PTPRK: variants seen among roughly 807,000 people sequenced by gnomAD.
PTPRK encodes the protein receptor-type tyrosine-protein phosphatase kappa.
Under a neutral mutation model 178.0 loss-of-function variants are expected in PTPRK, and 75 were observed. The observed-to-expected ratio is 0.42, with a 90% confidence interval of 0.35 to 0.51. The LOEUF is 0.51. PTPRK is among the 20% of genes least tolerant of loss of function. PTPRK has a pLI of 0.02. For synonymous variants in PTPRK, 637 were observed against 620.6 expected (o/e 1.03, Z -0.39); for missense variants, 1,441 against 1,797.8 (o/e 0.80, Z 3.59).
rs189593490 is a variant in PTPRK at position 128,255,703 on chromosome 6, C to G, written c.496-13101G>C. ...GGTCAAAAGTTATCAAAACATGGTC[C>G]TGGCAACAAAAGCATCAACAACACC... is the stretch of plus-strand genomic sequence containing the variant. On this transcript the variant is annotated intron_variant, in intron 3 of 29. Transcript: ENST00000368226. Among the ~76,000 whole-genome samples the G allele has an allele frequency of 5.9e-5, 9 of 152,310 alleles. No homozygotes were observed. The East Asian group carries it at 1.7e-3, about 29-fold the overall frequency.
intron 3 of PTPRK, among the ~76,000 whole-genome samples, chr6:128,272,873 G>A (rs1047703914): frequency 1.3e-5 from 2 of 152,106 alleles, no homozygotes; most frequent in Non-Finnish European, 2.9e-5. Flanking sequence ...ATACCCGAAG[G>A]ATTATTAATC....
At chr6:128,433,959 G>A (rs1185499746) in intron 1 of PTPRK, among the ~76,000 whole-genome samples, 3 of 150,974 alleles carry the variant, frequency 2.0e-5, no homozygotes, top group Non-Finnish European at 4.4e-5. Context: ...AGAAATCTTT[G>A]AATGATTTTG....
intron 3 of PTPRK, among the ~76,000 whole-genome samples, chr6:128,305,198 A>C (rs1259929744): frequency 6.6e-6 from 1 of 152,212 alleles, no homozygotes; most frequent in African/African-American, 2.4e-5. Flanking sequence ...CTGTCATTTT[A>C]GTGCAGACTA....
intron 7 of PTPRK, among the ~76,000 whole-genome samples, chr6:128,136,999 A>G (rs1052440283): frequency 1.3e-5 from 2 of 152,168 alleles, no homozygotes; most frequent in Non-Finnish European, 1.5e-5. Context: ...AAAACTAGAC[A>G]CTGCTGCATA....
intron 7 of PTPRK, among the ~76,000 whole-genome samples, chr6:128,104,149 T>C (rs1347717581): frequency 6.6e-6 from 1 of 152,210 alleles, no homozygotes. Flanking sequence ...TGATATCCAT[T>C]TACTTCTTCA....
chr6:128,164,263 T>C (rs916806163), intron 7 of PTPRK, among the ~76,000 whole-genome samples: 5 of 151,428 alleles, frequency 3.3e-5, no homozygotes, highest in Non-Finnish European at 7.4e-5. Flanking sequence ...ATCATTCAAG[T>C]TCAGAAGTAT....
chr6:128,036,458 G>C (rs187510769), intron 13 of PTPRK, among the ~76,000 whole-genome samples: 233 of 152,250 alleles, frequency 1.5e-3, no homozygotes, highest in Non-Finnish European at 3.0e-3. Context: ...ATGAGCAAGA[G>C]AGAAGATAAC....
chr6:127,977,047 C>A lies in PTPRK; in HGVS notation c.3719G>T (p.Arg1240Met). The change falls in exon 26 of 30, where the codon AGG becomes ATG. Residue 1240 changes from arginine to methionine, a missense_variant. Around this residue, in one of 4 missense-constraint regions of PTPRK, gnomAD observed 335 missense variants for 512.4 expected, o/e 0.65. Coordinates refer to ENST00000368226, the MANE Select transcript of PTPRK (RefSeq NM_002844.4). Reference sequence around the variant, plus strand: ...TGTGACGATGAAAGCAGCTGGTTGCCTGTAGCTCTGTGAAGAAACAAGGTA... The same window carrying A: ...TGTGACGATGAAAGCAGCTGGTTGCATGTAGCTCTGTGAAGAAACAAGGTA... Reference protein sequence around the residue: ...YINAALMDSYRQPAAFIVTQY... With the variant: ...YINAALMDSYMQPAAFIVTQY... 3.1e-6 allele frequency: 5 copies of A among 1,613,816 alleles called. No homozygotes were observed. The highest frequency in any genetic ancestry group is 4.2e-6 in the Non-Finnish European group (5 of 1,179,842).
At chr6:128,193,556 T>G (rs1373070597) in intron 6 of PTPRK, among the ~76,000 whole-genome samples, 1 of 152,158 alleles carries the variant, frequency 6.6e-6, no homozygotes, top group Non-Finnish European at 1.5e-5. Context: ...ATGCTGCTCT[T>G]CATATTCAAC....
At chr6:128,099,196 A>ATTTT (rs1237972329) in intron 7 of PTPRK, among the ~76,000 whole-genome samples, 22 of 149,562 alleles carry the variant, frequency 1.5e-4, no homozygotes, top group African/African-American at 5.1e-4. Flanking sequence ...ATATATATAT[A>ATTTT]TTTTTTCTTT....
chr6:128,178,432 C>CTAA (rs1229649586), intron 7 of PTPRK, among the ~76,000 whole-genome samples: 1 of 151,604 alleles, frequency 6.6e-6, no homozygotes, highest in Non-Finnish European at 1.5e-5. Context: ...ATTTTCCCCT[C>CTAA]TAATATAATG....
intron 6 of PTPRK, among the ~76,000 whole-genome samples, chr6:128,190,701 G>A (rs915342243): frequency 5.9e-5 from 9 of 151,738 alleles, no homozygotes; most frequent in African/African-American, 1.9e-4. Flanking sequence ...GTTTTACCAT[G>A]TTGGCCAGGC....
At chr6:128,105,924 G>T (rs921388581) in intron 7 of PTPRK, among the ~76,000 whole-genome samples, 4 of 152,064 alleles carry the variant, frequency 2.6e-5, no homozygotes, top group Admixed American at 2.6e-4. Flanking sequence ...TATGATAATA[G>T]CCTAGAACAA....
At chr6:128,499,588 A>C (rs62425734) in intron 1 of PTPRK, among the ~76,000 whole-genome samples, 18,855 of 152,240 alleles carry the variant, frequency 0.12, 1,549 homozygotes, top group Non-Finnish European at 0.19. Context: ...AATAGTTAAG[A>C]GAAAAAACTT....
chr6:128,083,624 G>A (rs1785218552), intron 9 of PTPRK, 91 bp downstream of exon 9: 5 of 614,786 alleles, frequency 8.1e-6, no homozygotes, highest in South Asian at 4.1e-5. Context: ...CCTCATTTAC[G>A]TCTTTTCCAT....
intron 13 of PTPRK, among the ~76,000 whole-genome samples, chr6:128,023,014 C>T (rs1207433201): frequency 6.6e-6 from 1 of 152,164 alleles, no homozygotes; most frequent in East Asian, 1.9e-4. Context: ...AAATCCCATC[C>T]TCACCGCATT....
At chr6:128,275,425 A>G (rs979657270) in intron 3 of PTPRK, among the ~76,000 whole-genome samples, 9 of 152,148 alleles carry the variant, frequency 5.9e-5, no homozygotes, top group Admixed American at 2.0e-4. Context: ...CAAACTCCAT[A>G]ATGTTACATG....
intron 1 of PTPRK, among the ~76,000 whole-genome samples, chr6:128,429,223 C>T (rs1008694453): frequency 3.3e-5 from 5 of 152,152 alleles, no homozygotes; most frequent in African/African-American, 4.8e-5. Context: ...CCTTCCAACT[C>T]GAAATTCTTA....
chr6:128,486,588 G>C (rs1287149324), intron 1 of PTPRK, among the ~76,000 whole-genome samples: 1 of 152,116 alleles, frequency 6.6e-6, no homozygotes, highest in Non-Finnish European at 1.5e-5. Flanking sequence ...AGGATTGCTT[G>C]AACTCAGGAG....
Sources: gnomAD v4.1 joint callset for allele counts (sites outside exome capture counted in the v4.1 genomes callset) on GRCh38, gnomAD v4.1.1 for gene constraint, gnomAD v4.1.1 regional missense constraint, MANE v1.5 for transcripts, NCBI Gene and HGNC (gene_info 2026-07-23, HGNC 2026-07-21) for gene names.